ARID1B: variants seen among roughly 807,000 people sequenced by gnomAD.
ARID1B encodes AT-rich interactive domain-containing protein 1B.
A neutral mutation model predicts 212.3 loss-of-function variants in ARID1B; 30 were observed. The observed-to-expected ratio is 0.14, with a 90% confidence interval of 0.11 to 0.19. The LOEUF is 0.19. Among genes scored for constraint, ARID1B ranks in the 10% least tolerant of loss-of-function variants. The probability of loss-of-function intolerance (pLI) is 1.00; values close to 1 mark genes in which losing one functional copy is unlikely to be tolerated. For synonymous variants in ARID1B, 1,402 were observed against 1,301.7 expected (o/e 1.08, Z -1.66); for missense variants, 2,891 against 3,204.0 (o/e 0.90, Z 2.36).
chr6:157,004,278 A>G (rs1357583223), intron 4 of ARID1B, among the ~76,000 whole-genome samples: 1 of 152,168 alleles, frequency 6.6e-6, no homozygotes, highest in African/African-American at 2.4e-5. Context: ...AATGTCTTAA[A>G]TTTGGGAAAT....
At chr6:156,929,393 C>T (rs558096282) in intron 3 of ARID1B, among the ~76,000 whole-genome samples, 18 of 152,132 alleles carry the variant, frequency 1.2e-4, no homozygotes, top group South Asian at 2.1e-4. Context: ...GATGATTTCA[C>T]GAACTGTGGC....
intron 5 of ARID1B, among the ~76,000 whole-genome samples, chr6:157,095,129 G>A (rs1785523957): frequency 6.6e-6 from 1 of 152,124 alleles, no homozygotes; most frequent in Non-Finnish European, 1.5e-5. Context: ...TCACTTGGAG[G>A]GCTTGTGATT....
Position 157,200,772 on chromosome 6 carries a change from A to G in ARID1B, c.4547A>G (p.Asn1516Ser), listed in dbSNP as rs1211635321. The G allele has an allele frequency of 1.2e-6, 2 of 1,614,094 alleles. No individual in the cohort carries two copies. The highest frequency in any genetic ancestry group is 1.7e-6 in the Non-Finnish European group (2 of 1,180,020). ...AAGCGCCACGAGGGCGACATGTACA[A>G]CATGCAGTACAGCAGCCAGCAGCAG... is the stretch of plus-strand genomic sequence containing the variant. Reference protein sequence around the residue: ...PAKRHEGDMYNMQYSSQQQEM... With the variant: ...PAKRHEGDMYSMQYSSQQQEM... The change falls in exon 18 of 20, where the codon AAC (asparagine) becomes AGC (serine). Residue 1516 changes from asparagine (N) to serine (S), a missense_variant. Asn to Ser is a conservative substitution (Grantham distance 46). Transcript: ENST00000636930. This position sits in a 1 kb window ranked among gnomAD's most constrained non-coding sequence, Gnocchi z 4.3.
Position 156,812,985 on chromosome 6 carries a change from T to TACATACGTATGTATATACATATATACAC in ARID1B, c.1792-16217_1792-16216insCACACATACGTATGTATATACATATATA, listed in dbSNP as rs1781679750. Among the ~76,000 whole-genome samples the TACATACGTATGTATATACATATATACAC allele has an allele frequency of 5.6e-5, 6 of 106,402 alleles. No homozygotes were observed. In the South Asian group the frequency reaches 2.0e-3, roughly 35 times the overall value. 69.8% of individuals were successfully genotyped at this position (106,402 alleles called of 152,430 possible). On this transcript the variant is annotated intron_variant, in intron 1 of 19. Coordinates refer to ENST00000636930, the MANE Select transcript of ARID1B (RefSeq NM_001374828.1). ...GTGTGTGTGTGTGTGTGTATGTATA[T>TACATACGTATGTATATACATATATACAC]ACATACGTATGTATATACATATATA...
At chr6:157,156,636 C>T (rs1790592299) in intron 8 of ARID1B, among the ~76,000 whole-genome samples, 2 of 152,166 alleles carry the variant, frequency 1.3e-5, no homozygotes, top group South Asian at 4.2e-4. Context: ...TGCCCCAAGC[C>T]ACTCGTGAGC....
At chr6:156,929,949 A>G (rs1227016182) in intron 3 of ARID1B, among the ~76,000 whole-genome samples, 5 of 150,086 alleles carry the variant, frequency 3.3e-5, no homozygotes, top group Admixed American at 1.3e-4. Context: ...CTATCTTCCC[A>G]CTCATCCCCT....
At chr6:157,111,891 T>C (rs1202444341) in intron 6 of ARID1B, among the ~76,000 whole-genome samples, 1 of 152,174 alleles carries the variant, frequency 6.6e-6, no homozygotes, top group Non-Finnish European at 1.5e-5. Flanking sequence ...TTAAAAGAGA[T>C]TCCTGGGCCC....
chr6:157,112,880 A>G (rs949562306), intron 6 of ARID1B, among the ~76,000 whole-genome samples: 3 of 151,096 alleles, frequency 2.0e-5, no homozygotes. Context: ...TGGGTAACTG[A>G]TACCAGGTAC....
intron 4 of ARID1B, among the ~76,000 whole-genome samples, chr6:157,027,861 AT>A (rs1780757770): frequency 6.6e-6 from 1 of 152,174 alleles, no homozygotes; most frequent in Non-Finnish European, 1.5e-5. Flanking sequence ...TGGGAGAGGG[AT>A]TTAAGTATGA....
chr6:157,167,272 C>G (rs1337669656), intron 9 of ARID1B, 87 bp downstream of exon 9: 4 of 1,464,540 alleles, frequency 2.7e-6, no homozygotes, highest in African/African-American at 2.8e-5. Context: ...CTAAACGGCC[C>G]GAGAAGGTGG....
At chr6:157,182,720 C>A (rs189742575) in intron 12 of ARID1B, among the ~76,000 whole-genome samples, 5 of 152,302 alleles carry the variant, frequency 3.3e-5, no homozygotes, top group Non-Finnish European at 7.4e-5. Context: ...GCCCATGACG[C>A]TGCATAACCA....
In ARID1B at chr6:156,784,908, C is replaced by T. The variant is rs376301382; in HGVS notation, c.1791+5437C>T. On this transcript the variant is annotated intron_variant, in intron 1 of 19. Transcript: ENST00000636930. ...GCAAGCAGCTGGGACTACAGGTGCA[C>T]GCCATCACACCTGGCTAATTTTTGT... is the stretch of plus-strand genomic sequence containing the variant. Among the ~76,000 whole-genome samples, 46 of 152,238 alleles carry T rather than the reference C, an allele frequency of 3.0e-4. No individual in the cohort carries two copies. In the South Asian group the frequency reaches 8.9e-3, roughly 30 times the overall value.
intron 4 of ARID1B, among the ~76,000 whole-genome samples, chr6:157,062,888 A>G (rs1287827695): frequency 6.6e-6 from 1 of 151,754 alleles, no homozygotes; most frequent in East Asian, 1.9e-4. Context: ...TATTTTTAGT[A>G]GAAATGGGAT....
At chr6:156,880,730 ACT>A (rs1394907825) in intron 2 of ARID1B, among the ~76,000 whole-genome samples, 21 of 119,366 alleles carry the variant, frequency 1.8e-4, no homozygotes, top group African/African-American at 5.9e-4. Context: ...ACGGAGCGAG[ACT>A]CTGTCTCAAA....
In ARID1B at chr6:156,935,515, C is replaced by G. The variant is rs764967238; in HGVS notation, c.2186C>G (p.Pro729Arg). 1 of 1,614,042 alleles carries G rather than the reference C, an allele frequency of 6.2e-7. No homozygotes were observed. Among genetic ancestry groups the G allele is most frequent in the Non-Finnish European group, 8.5e-7 (1 of 1,179,958 alleles). The change falls in exon 4 of 20, where the codon CCC (proline) becomes CGC (arginine). Residue 729 changes from proline (P) to arginine (R), a missense_variant. This residue lies in a region of ARID1B where 1,643 missense variants were observed against 1,544.0 expected (regional missense o/e 1.06). Transcript: ENST00000636930. The part of the protein sequence containing the change: ...YGTRSQPPLA[P>R]GKPNHEDLNL... ...ACTAGATCTCAACCTCCTCTGGCCC[C>G]CGGAAAACCTAACCATGAAGACTTG...
chr6:156,981,121 C>G (rs1457051856), intron 4 of ARID1B, among the ~76,000 whole-genome samples: 1 of 152,180 alleles, frequency 6.6e-6, no homozygotes, highest in Admixed American at 6.5e-5. Flanking sequence ...TTGTCTACTT[C>G]TGAGGGTGAG....
intron 5 of ARID1B, among the ~76,000 whole-genome samples, chr6:157,101,110 A>G (rs1311687037): frequency 6.6e-6 from 1 of 152,244 alleles, no homozygotes; most frequent in East Asian, 1.9e-4. Context: ...AGAATTGCAC[A>G]GTCAGTGGGA....
chr6:156,990,213 G>A (rs899366550), intron 4 of ARID1B, among the ~76,000 whole-genome samples: 1 of 148,660 alleles, frequency 6.7e-6, no homozygotes, highest in Non-Finnish European at 1.5e-5. Context: ...TCATTCTGTG[G>A]CCCAAGCTGG....
intron 4 of ARID1B, among the ~76,000 whole-genome samples, chr6:157,075,253 G>GT (rs1784232341): frequency 6.6e-6 from 1 of 152,134 alleles, no homozygotes; most frequent in Admixed American, 6.5e-5. Flanking sequence ...TTTTGCGGGA[G>GT]TACTGCATTT....
Sources: allele counts gnomAD v4.1 joint callset (sites outside exome capture counted in the v4.1 genomes callset), GRCh38; gene constraint gnomAD v4.1.1; regional missense constraint gnomAD v4.1.1; non-coding constraint Gnocchi (gnomAD v3.1); transcripts MANE v1.5; gene names NCBI Gene and HGNC (gene_info 2026-07-23, HGNC 2026-07-21).